Variants in FGF18 observed in about 807,000 individuals in gnomAD.
FGF18 encodes the protein fibroblast growth factor 18.
In FGF18, 5 loss-of-function variants were observed where a neutral mutation model predicts 23.0. The ratio of observed to expected loss-of-function variants is 0.22; its 90% confidence interval spans 0.11 to 0.46. The LOEUF is 0.46. Among genes scored for constraint, FGF18 ranks in the 20% least tolerant of loss-of-function variants. The pLI is 0.99. For missense variants in FGF18, 180 were observed against 291.6 expected (o/e 0.62, Z 2.79); for synonymous variants, 117 against 118.9 (o/e 0.98, Z 0.10).
rs112697159 is a variant in FGF18 at position 171,449,406 on chromosome 5, A to T, written c.357+153A>T. ...GTGTGTGTGTGTGTGTGTGTGAGAGAGAGAGAGAGAGAGAGAGACAGGAGA... is the reference window on the plus strand; with the variant it reads ...GTGTGTGTGTGTGTGTGTGTGAGAGTGAGAGAGAGAGAGAGAGACAGGAGA... On this transcript the variant is annotated intron_variant, in intron 4 of 4. Transcript: ENST00000274625. 0.31 allele frequency among the ~76,000 whole-genome samples: 21,363 copies of T among 69,784 alleles called. 1,627 individuals carry two copies. The highest frequency in any genetic ancestry group is 0.39 in the Middle Eastern group (51 of 130). The allele number at this position is 69,784 out of a possible 152,430, so 45.8% of individuals were successfully genotyped here.
chr5:171,420,404 C>G lies in FGF18; in HGVS notation c.33-3C>G. The G allele has an allele frequency of 6.2e-7, 1 of 1,613,804 alleles. No homozygotes were observed. The highest frequency in any genetic ancestry group is 8.5e-7 in the Non-Finnish European group (1 of 1,179,870). On this transcript the variant is annotated splice_region_variant and splice_polypyrimidine_tract_variant and intron_variant, in intron 1 of 4. Transcript: ENST00000274625. ...TGACCGCTTCTCCATCTGTTTCCCG[C>G]AGGTGTTTACACTTCCTGCTGCTGT...
Position 171,456,733 on chromosome 5 carries a change from G to A in FGF18, c.552G>A (p.Glu184=), listed in dbSNP as rs374632508. The A allele has an allele frequency of 1.9e-6, 3 of 1,614,058 alleles. No homozygotes were observed. The highest frequency in any genetic ancestry group is 2.5e-6 in the Non-Finnish European group (3 of 1,180,028). The change falls in exon 5 of 5, where the codon GAG becomes GAA. Residue 184 remains glutamate, a synonymous_variant. Coordinates refer to ENST00000274625, the MANE Select transcript of FGF18 (RefSeq NM_003862.3). This position sits in a 1 kb window ranked among gnomAD's most constrained non-coding sequence, Gnocchi z 6.1. The stretch of plus-strand genomic sequence containing the variant: ...AGCGCTACCCCAAGGGGCAGCCGGA[G>A]CTTCAGAAGCCCTTCAAGTACACGA... ...FMKRYPKGQP[E]LQKPFKYTTV...
Position 171,457,018 on chromosome 5 carries a change from G to T in FGF18, c.*213G>T. ...AAACCCCCGATGACAAAAGACTCAC[G>T]CAAAGGGACTGTAGTCAACCCACAG... On this transcript the variant is annotated 3_prime_UTR_variant, in exon 5 of 5. Coordinates refer to ENST00000274625, the MANE Select transcript of FGF18 (RefSeq NM_003862.3). 3.3e-6 allele frequency: 2 copies of T among 610,920 alleles called. No individual in the cohort carries two copies. Among genetic ancestry groups the T allele is most frequent in the East Asian group, 5.9e-5 (2 of 34,092 alleles). 37.8% of individuals were successfully genotyped at this position (610,920 alleles called of 1,614,324 possible). A position where few individuals can be genotyped will look rare whatever the true frequency, so the allele number is the denominator to read the frequency against.
At position 171,434,803 on chromosome 5, in the gene FGF18, C is replaced by G. The variant is rs369283909; in HGVS notation, c.70-1290C>G. 1.9e-4 allele frequency among the ~76,000 whole-genome samples: 28 copies of G among 146,498 alleles called. No individual in the cohort carries two copies. In the South Asian group the frequency reaches 6.1e-3, roughly 32 times the overall value. On this transcript the variant is annotated intron_variant, in intron 2 of 4. Coordinates refer to ENST00000274625, the MANE Select transcript of FGF18 (RefSeq NM_003862.3). This position sits in a 1 kb window ranked among gnomAD's most constrained non-coding sequence, Gnocchi z 4.6. ...AAATGAGAGACACTGCTCCAGCTTTCTCTCCCTTTTTTTTTTTTTTTTGAT... is the reference window on the plus strand; with the variant it reads ...AAATGAGAGACACTGCTCCAGCTTTGTCTCCCTTTTTTTTTTTTTTTTGAT...
intron 3 of FGF18, among the ~76,000 whole-genome samples, chr5:171,441,055 C>T (rs10065728): frequency 0.16 from 24,798 of 152,152 alleles, 2,263 homozygotes; most frequent in South Asian, 0.3. Flanking sequence ...AAAGTGTAAC[C>T]GGGGGCTGCC....
intron 4 of FGF18, among the ~76,000 whole-genome samples, chr5:171,453,627 T>C (rs992350786): frequency 3.4e-4 from 52 of 152,210 alleles, no homozygotes; most frequent in African/African-American, 1.2e-3. Context: ...AAGGCCGATT[T>C]GCTTCTGAGC....
intron 3 of FGF18, among the ~76,000 whole-genome samples, chr5:171,448,141 T>C (rs1772445131): frequency 6.6e-6 from 1 of 152,202 alleles, no homozygotes; most frequent in Admixed American, 6.5e-5. Context: ...CTTGATGTCC[T>C]TGTTCAGGCA....
intron 3 of FGF18, among the ~76,000 whole-genome samples, chr5:171,439,891 G>GA (rs200832259): frequency 0.013 from 1,983 of 151,318 alleles, 85 homozygotes; most frequent in Admixed American, 0.086. Flanking sequence ...CTCTGTTTGA[G>GA]AAAAAAAAAT....
rs1054982319 is a variant in FGF18 at position 171,445,427 on chromosome 5, C to T, written c.251-3720C>T. Among the ~76,000 whole-genome samples the T allele has an allele frequency of 2.0e-5, 3 of 152,132 alleles. No individual in the cohort carries two copies. In the East Asian group the frequency reaches 5.8e-4, roughly 29 times the overall value. On this transcript the variant is annotated intron_variant, in intron 3 of 4. Coordinates refer to ENST00000274625, the MANE Select transcript of FGF18 (RefSeq NM_003862.3). Reference sequence around the variant, plus strand: ...AGGCTGGAGTGCAGTGGCATGATCTCGGCTCACTGCAAACTCTGCCTCCTG... The same window carrying T: ...AGGCTGGAGTGCAGTGGCATGATCTTGGCTCACTGCAAACTCTGCCTCCTG...
intron 3 of FGF18, among the ~76,000 whole-genome samples, chr5:171,437,859 G>A (rs917463263): frequency 6.6e-6 from 1 of 152,106 alleles, no homozygotes; most frequent in Non-Finnish European, 1.5e-5. Context: ...GTCAGACTCT[G>A]GTCTGAACCA....
At chr5:171,449,400 T>TGTGTGTGTGTGTGTGTGTGA (rs1458322429) in intron 4 of FGF18, 147 bp downstream of exon 4, 26 of 363,198 alleles carry the variant, frequency 7.2e-5, no homozygotes, top group South Asian at 1.5e-4. Flanking sequence ...TGTGTGTGTG[T>TGTGTGTGTGTGTGTGTGTGA]GAGAGAGAGA....
At chr5:171,454,670 G>A (rs1436027631) in intron 4 of FGF18, among the ~76,000 whole-genome samples, 2 of 152,218 alleles carry the variant, frequency 1.3e-5, no homozygotes, top group African/African-American at 2.4e-5. Flanking sequence ...GTTCCTGGAA[G>A]CTCCAGCCTG....
chr5:171,448,047 G>A (rs72829779), intron 3 of FGF18, among the ~76,000 whole-genome samples: 6,606 of 152,312 alleles, frequency 0.043, 240 homozygotes, highest in Admixed American at 0.11. Context: ...GCAGCGTACT[G>A]GGGAGAAAAA....
intron 4 of FGF18, among the ~76,000 whole-genome samples, chr5:171,450,218 G>A (rs1425016410): frequency 1.3e-5 from 2 of 152,068 alleles, no homozygotes; most frequent in Non-Finnish European, 2.9e-5. Context: ...TGGGGGAGAT[G>A]ACTTCAGTCT....
intron 4 of FGF18, among the ~76,000 whole-genome samples, chr5:171,450,922 G>A (rs1460648700): frequency 6.6e-6 from 1 of 151,940 alleles, no homozygotes; most frequent in African/African-American, 2.4e-5. Flanking sequence ...CCCCAGCAGG[G>A]GCCAGCGGCA....
chr5:171,449,359 C>T, intron 4 of FGF18, 106 bp downstream of exon 4: 2 of 246,446 alleles, frequency 8.1e-6, no homozygotes, highest in Admixed American at 4.6e-5. Flanking sequence ...GGAAAACAGG[C>T]CGTGTGTGTG....
Position 171,451,921 on chromosome 5 carries a change from C to G in FGF18, c.357+2668C>G, listed in dbSNP as rs1452468903. On this transcript the variant is annotated intron_variant, in intron 4 of 4. Coordinates refer to ENST00000274625, the MANE Select transcript of FGF18 (RefSeq NM_003862.3). The surrounding 1 kb of genome is among the most constrained non-coding windows in gnomAD (Gnocchi z 4.5). ...GCCCCACAGTCCCTCGCACAGCCCT[C>G]TGTTGCCTGTCTGCTAACCTGGGTT... Among the ~76,000 whole-genome samples, 1 of 152,210 alleles carries G rather than the reference C, an allele frequency of 6.6e-6. No individual in the cohort carries two copies. The highest frequency in any genetic ancestry group is 1.5e-5 in the Non-Finnish European group (1 of 68,036).
chr5:171,435,173 C>T (rs1297462948), intron 2 of FGF18, among the ~76,000 whole-genome samples: 1 of 152,264 alleles, frequency 6.6e-6, no homozygotes, highest in Admixed American at 6.5e-5. Context: ...GGTGGGAAAG[C>T]AGTCAGGGGC....
chr5:171,435,796 C>T (rs1363810767), intron 2 of FGF18, among the ~76,000 whole-genome samples: 1 of 152,234 alleles, frequency 6.6e-6, no homozygotes, highest in African/African-American at 2.4e-5. Flanking sequence ...ATCGTTCTTG[C>T]TTTAATATGT....
Sources: allele counts gnomAD v4.1 joint callset (sites outside exome capture counted in the v4.1 genomes callset), GRCh38; gene constraint gnomAD v4.1.1; non-coding constraint Gnocchi (gnomAD v3.1); transcripts MANE v1.5; gene names NCBI Gene and HGNC (gene_info 2026-07-23, HGNC 2026-07-21).